Variants in GAREM1 observed in about 807,000 individuals in gnomAD.
The protein encoded by GAREM1 is GRB2-associated and regulator of MAPK protein 1.
Under a neutral mutation model 71.3 loss-of-function variants are expected in GAREM1, and 26 were observed. The ratio of observed to expected loss-of-function variants is 0.36; its 90% CI spans 0.27 to 0.51. The LOEUF is 0.51. Among genes scored for constraint, GAREM1 ranks in the 20% least tolerant of loss-of-function variants. The probability of loss-of-function intolerance (pLI) is 0.95; values close to 1 mark genes in which losing one functional copy is unlikely to be tolerated. For synonymous variants in GAREM1, 440 were observed against 433.2 expected (o/e 1.02, Z -0.20); for missense variants, 1,026 against 1,103.1 (o/e 0.93, Z 0.99).
chr18:32,401,538 G>A (rs1430633811), intron 1 of GAREM1, among the ~76,000 whole-genome samples: 4 of 152,004 alleles, frequency 2.6e-5, no homozygotes, highest in African/African-American at 9.7e-5. Flanking sequence ...CATGTGAGCT[G>A]CTCTTTCTTT....
chr18:32,303,233 T>G (rs1171274146), intron 3 of GAREM1, among the ~76,000 whole-genome samples: 1 of 152,116 alleles, frequency 6.6e-6, no homozygotes, highest in South Asian at 2.1e-4. Flanking sequence ...ATTAGGGTAT[T>G]TGGGCTCTGA....
At chr18:32,461,572 G>A (rs1268826259) in intron 1 of GAREM1, among the ~76,000 whole-genome samples, 2 of 152,106 alleles carry the variant, frequency 1.3e-5, no homozygotes, top group African/African-American at 4.8e-5. Context: ...GCAAGTGCCT[G>A]TAGTCCCAGT....
At chr18:32,315,728 T>C (rs2047372272) in intron 2 of GAREM1, among the ~76,000 whole-genome samples, 1 of 151,980 alleles carries the variant, frequency 6.6e-6, no homozygotes, top group African/African-American at 2.4e-5. Flanking sequence ...TTGCAGGTAC[T>C]GTTCAAGTCG....
chr18:32,295,071 T>C (rs190540496), intron 3 of GAREM1, among the ~76,000 whole-genome samples: 16 of 152,212 alleles, frequency 1.1e-4, no homozygotes, highest in Non-Finnish European at 4.4e-5. Context: ...TTGTTGTTGT[T>C]GTTTTGTTTT....
At chr18:32,463,914 C>T (rs2048975223) in intron 1 of GAREM1, among the ~76,000 whole-genome samples, 1 of 151,196 alleles carries the variant, frequency 6.6e-6, no homozygotes, top group Admixed American at 6.6e-5. Context: ...CACTTCTTTC[C>T]TGCTAACCAT....
chr18:32,434,761 A>T (rs1408737838), intron 1 of GAREM1, among the ~76,000 whole-genome samples: 1 of 152,168 alleles, frequency 6.6e-6, no homozygotes, highest in Non-Finnish European at 1.5e-5. Context: ...CACCACTATA[A>T]TACCGCTACA....
At position 32,393,617 on chromosome 18, in the gene GAREM1, C is replaced by T. The variant is rs188159064; in HGVS notation, c.122-582G>A. Among the ~76,000 whole-genome samples, 7 of 152,274 alleles carry T rather than the reference C, an allele frequency of 4.6e-5. No individual in the cohort carries two copies. In the East Asian group the frequency reaches 9.6e-4, roughly 21 times the overall value. ...TTGAAAGAGTACTTGAAATTAAATA[C>T]TCACAGTTCCTTTTAAATTTTATGT... On this transcript the variant is annotated intron_variant, in intron 1 of 5. Transcript: ENST00000269209.
chr18:32,341,369 A>G (rs1386757498), intron 2 of GAREM1, among the ~76,000 whole-genome samples: 1 of 152,196 alleles, frequency 6.6e-6, no homozygotes, highest in Admixed American at 6.5e-5. Context: ...TTCTTAAGCC[A>G]GTCTATCATT....
At chr18:32,381,023 C>T (rs952509777) in intron 2 of GAREM1, among the ~76,000 whole-genome samples, 12 of 151,774 alleles carry the variant, frequency 7.9e-5, no homozygotes, top group African/African-American at 2.9e-4. Flanking sequence ...AAGAATTCCT[C>T]CTACTAGATG....
At chr18:32,341,310 A>T (rs1207521772) in intron 2 of GAREM1, among the ~76,000 whole-genome samples, 2 of 152,082 alleles carry the variant, frequency 1.3e-5, no homozygotes, top group Admixed American at 1.3e-4. Flanking sequence ...ACATGAACTC[A>T]TCCTTTTTTC....
chr18:32,416,039 A>G (rs1440195212), intron 1 of GAREM1, among the ~76,000 whole-genome samples: 1 of 152,178 alleles, frequency 6.6e-6, no homozygotes, highest in Non-Finnish European at 1.5e-5. Context: ...AGGATACAAA[A>G]TCAACATACA....
chr18:32,406,500 GA>G (rs2048368550), intron 1 of GAREM1, among the ~76,000 whole-genome samples: 1 of 152,150 alleles, frequency 6.6e-6, no homozygotes, highest in Non-Finnish European at 1.5e-5. Flanking sequence ...GTGGTGGGGG[GA>G]AAGAGGTGAA....
chr18:32,318,407 G>A (rs2047400021), intron 2 of GAREM1, among the ~76,000 whole-genome samples: 1 of 152,182 alleles, frequency 6.6e-6, no homozygotes, highest in Non-Finnish European at 1.5e-5. Context: ...GTATGGGGCT[G>A]AAGGGACTAA....
At chr18:32,376,106 A>G (rs888562519) in intron 2 of GAREM1, among the ~76,000 whole-genome samples, 1 of 152,094 alleles carries the variant, frequency 6.6e-6, no homozygotes, top group Non-Finnish European at 1.5e-5. Context: ...GAGGAAACCT[A>G]TTGATAAAAT....
intron 2 of GAREM1, among the ~76,000 whole-genome samples, chr18:32,333,185 G>A (rs1567967948): frequency 6.6e-6 from 1 of 151,646 alleles, no homozygotes; most frequent in African/African-American, 2.4e-5. Context: ...ACATTAAGAG[G>A]AGGGAAGAAG....
intron 2 of GAREM1, among the ~76,000 whole-genome samples, chr18:32,343,223 T>C (rs796790880): frequency 6.0e-5 from 9 of 151,192 alleles, no homozygotes; most frequent in African/African-American, 2.2e-4. Flanking sequence ...CAAAAAATGA[T>C]ACAAACTGGA....
At chr18:32,355,483 G>A (rs1429674401) in intron 2 of GAREM1, among the ~76,000 whole-genome samples, 1 of 151,972 alleles carries the variant, frequency 6.6e-6, no homozygotes, top group East Asian at 1.9e-4. Context: ...AGAGAAAAGT[G>A]GTCAAAATAC....
intron 2 of GAREM1, among the ~76,000 whole-genome samples, chr18:32,372,979 T>C (rs570322907): frequency 6.6e-6 from 1 of 152,188 alleles, no homozygotes; most frequent in Non-Finnish European, 1.5e-5. Flanking sequence ...CTCTCACTGC[T>C]TAAGCTAATT....
Position 32,449,006 on chromosome 18 carries a change from A to C in GAREM1, c.121+21302T>G, listed in dbSNP as rs117694542. Among the ~76,000 whole-genome samples the C allele has an allele frequency of 3.0e-3, 453 of 152,330 alleles. 3 individuals are homozygous for C. Among genetic ancestry groups the C allele is most frequent in the Non-Finnish European group, 5.7e-3 (387 of 68,030 alleles). On this transcript the variant is annotated intron_variant, in intron 1 of 5. Transcript: ENST00000269209. ...AAGACTCTCTCATTTTATGATAAGC[A>C]ATACGAATGGGAAAACACTACTTGT...
Sources: allele counts gnomAD v4.1 joint callset (sites outside exome capture counted in the v4.1 genomes callset), GRCh38; gene constraint gnomAD v4.1.1; transcripts MANE v1.5; gene names NCBI Gene and HGNC (gene_info 2026-07-23, HGNC 2026-07-21).